Variants in ADGRL3 observed in about 807,000 individuals in gnomAD.
ADGRL3 encodes calcium-independent alpha-latrotoxin receptor 3.
In ADGRL3, 62 loss-of-function variants were observed where a neutral mutation model predicts 153.5. The observed-to-expected ratio is 0.40, with a 90% CI of 0.33 to 0.50. The LOEUF (loss-of-function observed/expected upper bound fraction) is 0.50. ADGRL3 is among the 20% of genes least tolerant of loss of function. The pLI, the probability that ADGRL3 is intolerant of heterozygous loss-of-function variation, is 0.47. For synonymous variants in ADGRL3, 710 were observed against 672.5 expected, an observed-to-expected ratio of 1.06 and a Z score of -0.86; for missense variants, 1,641 against 1,859.4, an observed-to-expected ratio of 0.88 and a Z score of 2.16.
chr4:61,327,235 CTT>C (rs1277117105), intron 1 of ADGRL3, among the ~76,000 whole-genome samples: 2 of 151,534 alleles, frequency 1.3e-5, no homozygotes, highest in African/African-American at 4.8e-5. Flanking sequence ...GAGCTTCCCT[CTT>C]TTTCCCTATT....
intron 4 of ADGRL3, among the ~76,000 whole-genome samples, chr4:61,525,177 T>C (rs1008068448): frequency 2.0e-5 from 3 of 151,978 alleles, no homozygotes; most frequent in African/African-American, 7.3e-5. Context: ...TGGTATGAGA[T>C]GGAGATAAAC....
chr4:61,622,192 G>A (rs1202175480), intron 5 of ADGRL3, among the ~76,000 whole-genome samples: 1 of 152,020 alleles, frequency 6.6e-6, no homozygotes, highest in East Asian at 1.9e-4. Context: ...ACAACAGTGA[G>A]CCAAATCTCT....
At chr4:61,954,994 G>A (rs551647974) in intron 17 of ADGRL3, among the ~76,000 whole-genome samples, 84 of 152,292 alleles carry the variant, frequency 5.5e-4, no homozygotes, top group African/African-American at 2.0e-3. Flanking sequence ...GACAAGAAAA[G>A]TAAATGGCAT....
chr4:61,331,064 G>A (rs2095562756), intron 1 of ADGRL3, among the ~76,000 whole-genome samples: 1 of 152,146 alleles, frequency 6.6e-6, no homozygotes, highest in Non-Finnish European at 1.5e-5. Flanking sequence ...AAACCAGTTA[G>A]GTTCAAGGGG....
intron 9 of ADGRL3, among the ~76,000 whole-genome samples, chr4:61,860,345 G>C (rs552497578): frequency 1.3e-5 from 2 of 152,050 alleles, no homozygotes; most frequent in South Asian, 4.1e-4. Context: ...ACAATATACA[G>C]ATAAACGTAA....
intron 9 of ADGRL3, among the ~76,000 whole-genome samples, chr4:61,845,804 C>T (rs1464106146): frequency 1.3e-5 from 2 of 152,010 alleles, no homozygotes; most frequent in Non-Finnish European, 2.9e-5. Flanking sequence ...GGAGAAAAAT[C>T]AGAAATTAAT....
Position 61,281,866 on chromosome 4 carries a change from A to G in ADGRL3, c.-240+80101A>G, listed in dbSNP as rs565125446. On this transcript the variant is annotated intron_variant, in intron 1 of 26. Coordinates refer to ENST00000683033, the MANE Select transcript of ADGRL3 (RefSeq NM_001387552.1). The stretch of plus-strand genomic sequence containing the variant: ...TTAAAAATAGTTTTTAAAGTTTAGA[A>G]AGTCTTTTCAGTTTATCTCATCAAC... Among the ~76,000 whole-genome samples the G allele has an allele frequency of 2.3e-3, 354 of 152,246 alleles. 1 individual carries two copies. The highest frequency in any genetic ancestry group is 3.9e-3 in the Non-Finnish European group (264 of 67,980).
At chr4:61,811,146 C>A (rs879598888) in intron 8 of ADGRL3, among the ~76,000 whole-genome samples, 5 of 151,948 alleles carry the variant, frequency 3.3e-5, no homozygotes, top group African/African-American at 4.8e-5. Flanking sequence ...GGGAATATAT[C>A]CAAGAAAAAT....
intron 11 of ADGRL3, among the ~76,000 whole-genome samples, chr4:61,903,676 A>AAAAAAAAAAAAAC (rs1560350423): frequency 7.8e-6 from 1 of 128,894 alleles, no homozygotes; most frequent in Admixed American, 7.9e-5. Flanking sequence ...AAAAAAAAAA[A>AAAAAAAAAAAAAC]AAAAAAAGAA....
intron 9 of ADGRL3, among the ~76,000 whole-genome samples, chr4:61,846,707 A>T (rs932586558): frequency 1.3e-5 from 2 of 152,002 alleles, no homozygotes; most frequent in African/African-American, 4.8e-5. Context: ...ACAATTCTGC[A>T]GGTCGTACAG....
chr4:61,907,504 G>A (rs946734109), intron 11 of ADGRL3, among the ~76,000 whole-genome samples: 2 of 151,714 alleles, frequency 1.3e-5, no homozygotes, highest in East Asian at 1.9e-4. Context: ...TGACCCACCC[G>A]CCTCAGCCTC....
intron 17 of ADGRL3, among the ~76,000 whole-genome samples, chr4:61,972,184 G>A (rs2099030614): frequency 6.6e-6 from 1 of 151,952 alleles, no homozygotes; most frequent in Non-Finnish European, 1.5e-5. Context: ...TGTCAGTTTT[G>A]GCTTTTGTTG....
intron 21 of ADGRL3, among the ~76,000 whole-genome samples, chr4:62,011,143 G>A (rs1410311045): frequency 2.0e-5 from 3 of 151,922 alleles, no homozygotes; most frequent in African/African-American, 4.8e-5. Flanking sequence ...ATTCCATAGG[G>A]GAGAAAAAAT....
intron 9 of ADGRL3, among the ~76,000 whole-genome samples, chr4:61,816,443 A>G (rs1434321657): frequency 2.6e-5 from 4 of 152,154 alleles, no homozygotes; most frequent in Admixed American, 2.6e-4. Flanking sequence ...ATGTTTGCTG[A>G]TGTCCCATTA....
intron 1 of ADGRL3, among the ~76,000 whole-genome samples, chr4:61,240,380 C>T (rs1250171224): frequency 6.6e-6 from 1 of 152,082 alleles, no homozygotes; most frequent in Non-Finnish European, 1.5e-5. Context: ...GGTACAAATA[C>T]ATACAACCCA....
chr4:61,630,384 A>G (rs899032495), intron 5 of ADGRL3, among the ~76,000 whole-genome samples: 1 of 152,352 alleles, frequency 6.6e-6, no homozygotes, highest in Middle Eastern at 3.4e-3. Context: ...AGTAAAGAAT[A>G]GCTTGATTGA....
chr4:61,587,275 C>A lies in ADGRL3; in HGVS notation c.308C>A (p.Ser103Tyr). Residue 103 changes from serine (S) to tyrosine (Y), a missense_variant, in exon 5 of 27, where the codon TCC (serine) becomes TAC (tyrosine). By Grantham distance (144) the Ser-to-Tyr change is moderately radical. Coordinates refer to ENST00000683033, the MANE Select transcript of ADGRL3 (RefSeq NM_001387552.1). Reference protein sequence around the residue: ...IPMAVVRRELSCESYPIELRC... With the variant: ...IPMAVVRRELYCESYPIELRC... Reference sequence around the variant, plus strand: ...ATGGCTGTGGTCCGCAGAGAGCTATCCTGTGAGAGCTATCCTATAGAGCTT... The same window carrying A: ...ATGGCTGTGGTCCGCAGAGAGCTATACTGTGAGAGCTATCCTATAGAGCTT... 6.2e-7 allele frequency: 1 copy of A among 1,610,500 alleles called. No homozygotes were observed. Among genetic ancestry groups the A allele is most frequent in the Non-Finnish European group, 8.5e-7 (1 of 1,178,206 alleles).
intron 9 of ADGRL3, among the ~76,000 whole-genome samples, chr4:61,823,843 C>G (rs539418406): frequency 6.6e-6 from 1 of 152,116 alleles, no homozygotes; most frequent in South Asian, 2.1e-4. Context: ...GGGTGGTTCA[C>G]GAGGTCAGGA....
chr4:61,732,800 T>C lies in ADGRL3; in HGVS notation c.645T>C (p.His215=), dbSNP rs778946794. 1 of 1,600,084 alleles carries C rather than the reference T, an allele frequency of 6.2e-7. No individual in the cohort carries two copies. Among genetic ancestry groups the C allele is most frequent in the Middle Eastern group, 1.7e-4 (1 of 6,044 alleles). The part of the protein sequence containing the change: ...GLLKGVYQSE[H]LFESDHQSGA... Reference sequence around the variant, plus strand: ...TAAAAGGAGTATACCAGAGTGAACATTTGTTTGAGTCCGACCACCAATCTG... The same window carrying C: ...TAAAAGGAGTATACCAGAGTGAACACTTGTTTGAGTCCGACCACCAATCTG... The change falls in exon 8 of 27, where the codon CAT becomes CAC. Residue 215 remains histidine (H), a synonymous_variant. Transcript: ENST00000683033.
Sources: allele counts gnomAD v4.1 joint callset (sites outside exome capture counted in the v4.1 genomes callset), GRCh38; gene constraint gnomAD v4.1.1; transcripts MANE v1.5; gene names NCBI Gene and HGNC (gene_info 2026-07-23, HGNC 2026-07-21).